YEATS2: variants seen among roughly 807,000 people sequenced by gnomAD.
YEATS2 encodes YEATS domain-containing protein 2.
YEATS2 carries 77 observed loss-of-function variants against 163.2 expected under a neutral mutation model. The ratio of observed to expected loss-of-function variants is 0.47; its 90% CI spans 0.39 to 0.57. The LOEUF (loss-of-function observed/expected upper bound fraction) is 0.57, where lower values mean the gene tolerates loss of function less well. YEATS2 is among the 20% of genes least tolerant of loss of function. YEATS2 has a pLI of 0.00. For missense variants in YEATS2, 1,549 were observed against 1,729.8 expected (o/e 0.90, Z 1.85); for synonymous variants, 631 against 645.1 (o/e 0.98, Z 0.33).
intron 19 of YEATS2, 54 bp from the exon 20 acceptor site, chr3:183,786,071 T>G (rs980643077): frequency 6.4e-7 from 1 of 1,569,638 alleles, no homozygotes; most frequent in Non-Finnish European, 8.7e-7. Flanking sequence ...AAGGAATGAG[T>G]TATGTCTATT....
rs761275133 is a variant in YEATS2 at position 183,758,812 on chromosome 3, C to T, written c.1553-50C>T. 13 of 1,275,266 alleles carry T rather than the reference C, an allele frequency of 1.0e-5. No individual in the cohort carries two copies. The Admixed American group carries it at 2.8e-4, about 27-fold the overall frequency. 79.0% of individuals were successfully genotyped at this position (1,275,266 alleles called of 1,614,324 possible). ...GATGGTAGAAATGCTTTAAAATTAC[C>T]TTTTGTAAATTTTACTTTGTTTATG... On this transcript the variant is annotated intron_variant, in intron 12 of 30. Coordinates refer to ENST00000305135, the MANE Select transcript of YEATS2 (RefSeq NM_018023.5).
rs758280139 is a variant in YEATS2 at position 183,758,935 on chromosome 3, T to C, written c.1626T>C (p.His542=). 2.1e-5 allele frequency: 34 copies of C among 1,591,664 alleles called. No individual in the cohort carries two copies. Among genetic ancestry groups the C allele is most frequent in the South Asian group, 3.5e-5 (3 of 85,802 alleles). The part of the protein sequence containing the change: ...QGTGSPVPKI[H]GSSFVTSTVK... ...CAGGTTCCCCTGTTCCTAAAATTCA[T>C]GGAAGTAGTTTTGTAACATCTACTG... Residue 542 remains histidine (H), a synonymous_variant, in exon 13 of 31, where the codon CAT becomes CAC. Transcript: ENST00000305135.
At chr3:183,730,077 T>G (rs1322724403) in intron 7 of YEATS2, among the ~76,000 whole-genome samples, 1 of 115,572 alleles carries the variant, frequency 8.7e-6, no homozygotes, top group African/African-American at 4.1e-5. Flanking sequence ...TTTTTTTTTT[T>G]TTTTTTTTTT....
At chr3:183,705,736 T>C (rs60922847) in intron 1 of YEATS2, among the ~76,000 whole-genome samples, 2,982 of 152,264 alleles carry the variant, frequency 0.02, 106 homozygotes, top group African/African-American at 0.067. Context: ...TTGGCAGATA[T>C]TTTAGTTAAT....
chr3:183,740,345 A>G (rs1316473976), intron 8 of YEATS2, among the ~76,000 whole-genome samples: 1 of 152,250 alleles, frequency 6.6e-6, no homozygotes, highest in African/African-American at 2.4e-5. Context: ...CAAAAAACAC[A>G]TGAAAAAATG....
chr3:183,738,551 CCT>C (rs1313530012), intron 8 of YEATS2, among the ~76,000 whole-genome samples: 1,846 of 105,106 alleles, frequency 0.018, 55 homozygotes, highest in African/African-American at 0.065. Flanking sequence ...ATCCCTCCCC[CCT>C]CCCCCCACCC....
intron 20 of YEATS2, among the ~76,000 whole-genome samples, chr3:183,790,565 A>G (rs548146685): frequency 7.8e-4 from 119 of 152,334 alleles, no homozygotes; most frequent in African/African-American, 2.7e-3. Flanking sequence ...GATGACCCCC[A>G]TGATACTTCC....
intron 1 of YEATS2, among the ~76,000 whole-genome samples, chr3:183,708,261 A>G (rs1484795031): frequency 1.3e-5 from 2 of 149,302 alleles, no homozygotes; most frequent in Non-Finnish European, 3.0e-5. Context: ...TCCTGGGTTC[A>G]AGCAGTTCTC....
At chr3:183,749,508 G>A (rs866706675) in intron 9 of YEATS2, among the ~76,000 whole-genome samples, 5 of 152,064 alleles carry the variant, frequency 3.3e-5, no homozygotes, top group African/African-American at 4.8e-5. Context: ...CTACTCTAGG[G>A]TACCTCATAT....
chr3:183,773,972 G>A (rs1577162395), intron 17 of YEATS2, among the ~76,000 whole-genome samples, 178 bp downstream of exon 17: 1 of 152,172 alleles, frequency 6.6e-6, no homozygotes, highest in East Asian at 1.9e-4. Context: ...ACTAGAAGTG[G>A]GTTTGCTCCT....
At chr3:183,769,862 A>G (rs2109407579) in intron 15 of YEATS2, among the ~76,000 whole-genome samples, 2 of 151,656 alleles carry the variant, frequency 1.3e-5, no homozygotes, top group East Asian at 4.0e-4. Flanking sequence ...ATTCCTTGTA[A>G]TTTTAGTAGA....
At chr3:183,768,216 C>A (rs1214546671) in intron 15 of YEATS2, among the ~76,000 whole-genome samples, 3 of 152,164 alleles carry the variant, frequency 2.0e-5, no homozygotes, top group Non-Finnish European at 4.4e-5. Flanking sequence ...ATTTGGCTTT[C>A]GGCTTGTGGA....
chr3:183,790,344 C>G (rs1724494831), intron 20 of YEATS2, among the ~76,000 whole-genome samples: 1 of 152,156 alleles, frequency 6.6e-6, no homozygotes, highest in Admixed American at 6.5e-5. Flanking sequence ...AGCCTTAGCA[C>G]TTAACCATTA....
At chr3:183,755,728 T>TCTTC (rs63647960) in intron 11 of YEATS2, among the ~76,000 whole-genome samples, 16 of 132,884 alleles carry the variant, frequency 1.2e-4, no homozygotes, top group African/African-American at 4.6e-4. Flanking sequence ...TTACTGATTT[T>TCTTC]CTTCCTTCCT....
intron 7 of YEATS2, 63 bp downstream of exon 7, chr3:183,728,914 A>G: frequency 1.4e-6 from 2 of 1,468,368 alleles, no homozygotes; most frequent in Non-Finnish European, 1.8e-6. Flanking sequence ...AGTGGAAGAA[A>G]AGTGATTTAA....
chr3:183,749,932 C>T (rs1265287744), intron 9 of YEATS2, among the ~76,000 whole-genome samples: 1 of 152,190 alleles, frequency 6.6e-6, no homozygotes, highest in East Asian at 1.9e-4. Context: ...ATTCTCCTGC[C>T]TCAGCCTCCT....
In YEATS2 at chr3:183,756,700, G is replaced by C; in HGVS notation, c.1552+11G>C. ...CCACTCCCAGTACAGGTGTGTATTA[G>C]ATCCATATTTGTACCATCTAAAGGG... On this transcript the variant is annotated intron_variant, in intron 12 of 30. Transcript: ENST00000305135. 1 of 1,503,438 alleles carries C rather than the reference G, an allele frequency of 6.7e-7. No homozygotes were observed. The highest frequency in any genetic ancestry group is 1.4e-5 in the South Asian group (1 of 70,976). The allele number at this position is 1,503,438 out of a possible 1,614,324, so 93.1% of individuals were successfully genotyped here.
intron 7 of YEATS2, among the ~76,000 whole-genome samples, chr3:183,734,929 A>G (rs1377876286): frequency 1.3e-5 from 2 of 152,162 alleles, no homozygotes; most frequent in Non-Finnish European, 1.5e-5. Context: ...GCAGTCCTTT[A>G]TTGTGTGAAG....
chr3:183,777,802 A>G (rs1017407592), intron 19 of YEATS2, 102 bp downstream of exon 19: 2 of 1,432,938 alleles, frequency 1.4e-6, no homozygotes, highest in African/African-American at 1.4e-5. Flanking sequence ...TTAAGGTTAC[A>G]TAAGAAAATG....
Sources: allele counts gnomAD v4.1 joint callset (sites outside exome capture counted in the v4.1 genomes callset), GRCh38; gene constraint gnomAD v4.1.1; transcripts MANE v1.5; gene names NCBI Gene and HGNC (gene_info 2026-07-23, HGNC 2026-07-21).